Variants in LARGE1 observed in about 807,000 individuals in gnomAD.
LARGE1 encodes the protein LARGE xylosyl- and glucuronyltransferase 1.
A neutral mutation model predicts 87.6 loss-of-function variants in LARGE1; 43 were observed. That is an observed-to-expected ratio of 0.49 (90% CI 0.38 to 0.63). The LOEUF (loss-of-function observed/expected upper bound fraction) is 0.63. LARGE1 is among the 30% of genes least tolerant of loss of function. The probability of loss-of-function intolerance (pLI) is 0.00; values close to 1 mark genes in which losing one functional copy is unlikely to be tolerated. For synonymous variants in LARGE1, 434 were observed against 394.6 expected (o/e 1.10, Z -1.18); for missense variants, 802 against 1,000.2 (o/e 0.80, Z 2.67).
chr22:33,212,007 T>A (rs571686055), intron 11 of LARGE1, among the ~76,000 whole-genome samples: 2 of 152,274 alleles, frequency 1.3e-5, no homozygotes, highest in East Asian at 3.9e-4. Context: ...AGAGATTGGT[T>A]CATGAGGATT....
intron 1 of LARGE1, among the ~76,000 whole-genome samples, chr22:33,827,996 T>A (rs1157473912): frequency 3.9e-5 from 6 of 152,076 alleles, no homozygotes; most frequent in Non-Finnish European, 8.8e-5. Flanking sequence ...AGAACTAGAA[T>A]AAAAGAGATG....
intron 4 of LARGE1, among the ~76,000 whole-genome samples, chr22:33,606,201 C>T (rs1219777468): frequency 1.3e-5 from 2 of 152,078 alleles, no homozygotes; most frequent in South Asian, 2.1e-4. Context: ...ATCAGGAGAT[C>T]GAGACCATCC....
At chr22:33,307,775 CTTT>C (rs3216417) in intron 11 of LARGE1, among the ~76,000 whole-genome samples, 1 of 144,836 alleles carries the variant, frequency 6.9e-6, no homozygotes. Context: ...TTTTTCTTTT[CTTT>C]TTTTTTTTTG....
intron 1 of LARGE1, among the ~76,000 whole-genome samples, chr22:33,782,404 G>A (rs192245225): frequency 3.9e-5 from 6 of 152,216 alleles, no homozygotes; most frequent in East Asian, 1.9e-4. Context: ...TCTGGAATTC[G>A]TTGTGACAAT....
downstream of LARGE1, among the ~76,000 whole-genome samples, chr22:33,271,676 A>C (rs984983263): frequency 6.6e-6 from 1 of 152,246 alleles, no homozygotes; most frequent in Non-Finnish European, 1.5e-5. Context: ...CCTCTGCCCA[A>C]ATGGCTACAG....
chr22:33,169,082 C>A (rs1191721691), intron 11 of LARGE1, among the ~76,000 whole-genome samples: 1 of 152,180 alleles, frequency 6.6e-6, no homozygotes, highest in African/African-American at 2.4e-5. Context: ...CAACCCAGAG[C>A]ATGTGAGCAA....
intron 6 of LARGE1, among the ~76,000 whole-genome samples, chr22:33,474,875 G>A (rs2069003971): frequency 6.6e-6 from 1 of 152,206 alleles, no homozygotes; most frequent in Non-Finnish European, 1.5e-5. Flanking sequence ...AAACACAGCT[G>A]CTCATCTGTA....
Position 33,273,878 on chromosome 22 carries a change from C to T in LARGE1, c.*549G>A. On this transcript the variant is annotated 3_prime_UTR_variant, in exon 15 of 15. Coordinates refer to ENST00000397394, the MANE Select transcript of LARGE1 (RefSeq NM_133642.5). ...CCATCAACCCCACCTCCAGGACCCT[C>T]TGGTTACAATGTCCCCATTGGGTTT... 2.6e-6 allele frequency: 1 copy of T among 380,454 alleles called. No individual in the cohort carries two copies. The highest frequency in any genetic ancestry group is 1.2e-4 in the South Asian group (1 of 8,104). 23.6% of individuals were successfully genotyped at this position (380,454 alleles called of 1,614,324 possible).
chr22:33,843,987 G>A (rs778502556), intron 1 of LARGE1, among the ~76,000 whole-genome samples: 7 of 151,740 alleles, frequency 4.6e-5, no homozygotes, highest in Non-Finnish European at 7.4e-5. Context: ...GCTGAGGCAG[G>A]AGAATCGCTT....
intron 3 of LARGE1, among the ~76,000 whole-genome samples, chr22:33,649,514 T>G (rs2080726165): frequency 6.6e-6 from 1 of 152,248 alleles, no homozygotes; most frequent in East Asian, 1.9e-4. Context: ...ATGGCCATTC[T>G]GTTTAATTCT....
At chr22:33,341,436 G>A (rs540297384) in intron 9 of LARGE1, among the ~76,000 whole-genome samples, 1 of 152,184 alleles carries the variant, frequency 6.6e-6, no homozygotes, top group South Asian at 2.1e-4. Flanking sequence ...TTCCATCTAT[G>A]AGAGTCTGCA....
the LARGE1 span, chr22:33,110,566 G>C: frequency 6.6e-6 from 1 of 152,376 alleles, no homozygotes; most frequent in South Asian, 2.1e-4. Flanking sequence ...GAGCATCACA[G>C]AGACCACTGG....
intron 6 of LARGE1, among the ~76,000 whole-genome samples, chr22:33,457,483 C>T (rs1266646157): frequency 6.6e-6 from 1 of 151,480 alleles, no homozygotes; most frequent in African/African-American, 2.4e-5. Context: ...ATTCAATAAA[C>T]ATTTAATCAA....
At chr22:33,166,816 T>A (rs1922301032) in exon 12 of LARGE1, 1 of 471,450 alleles carries the variant, frequency 2.1e-6, no homozygotes, top group Non-Finnish European at 4.4e-6. Context: ...GGAGATAGGG[T>A]CTGGCTAAAA....
rs540578528 is a variant in LARGE1, at chr22:33,197,028, C to T, written c.1731-30196G>A. On this transcript the variant is annotated intron_variant, in intron 11 of 11. Coordinates refer to the LARGE1 transcript ENST00000608642. ...ACATTTGAAAATTAATCAATTAATTCAATATATTAACAGAAAAAAAGCACT... is the reference window on the plus strand; with the variant it reads ...ACATTTGAAAATTAATCAATTAATTTAATATATTAACAGAAAAAAAGCACT... Among the ~76,000 whole-genome samples, 114 of 151,964 alleles carry T rather than the reference C, an allele frequency of 7.5e-4. 1 individual carries two copies. The highest frequency in any genetic ancestry group is 1.3e-3 in the Non-Finnish European group (86 of 67,932).
At chr22:33,856,695 T>C (rs2063765159) in intron 1 of LARGE1, 1 of 152,248 alleles carries the variant, frequency 6.6e-6, no homozygotes, top group Non-Finnish European at 1.5e-5. Flanking sequence ...GAAAGGTTTC[T>C]GTGAGGATTT....
At chr22:33,886,528 T>A (rs985198133) in intron 1 of LARGE1, among the ~76,000 whole-genome samples, 1 of 150,648 alleles carries the variant, frequency 6.6e-6, no homozygotes, top group Non-Finnish European at 1.5e-5. Context: ...AATAGAAAAA[T>A]TAGCAGGGCA....
chr22:33,388,052 AGT>A (rs1444072569), intron 7 of LARGE1, among the ~76,000 whole-genome samples: 2 of 152,242 alleles, frequency 1.3e-5, no homozygotes, highest in East Asian at 3.9e-4. Context: ...TGGTATTTTT[AGT>A]GTGTTTTGGA....
intron 2 of LARGE1, among the ~76,000 whole-genome samples, chr22:33,665,933 G>C (rs2149248253): frequency 6.6e-6 from 1 of 151,896 alleles, no homozygotes; most frequent in South Asian, 2.1e-4. Context: ...GGCTCACTGG[G>C]CTTAAGTAAA....
Sources: gnomAD v4.1 joint callset for allele counts (sites outside exome capture counted in the v4.1 genomes callset) on GRCh38, gnomAD v4.1.1 for gene constraint, MANE v1.5 for transcripts, NCBI Gene and HGNC (gene_info 2026-07-23, HGNC 2026-07-21) for gene names.